Variants in FAM184A observed in about 807,000 individuals in gnomAD.
FAM184A encodes family with sequence similarity 184 member A, also known as protein FAM184A.
Under a neutral mutation model 143.8 loss-of-function variants are expected in FAM184A, and 99 were observed. That is an observed-to-expected ratio of 0.69 (90% CI 0.58 to 0.81). The LOEUF is 0.81. FAM184A is among the 40% of genes least tolerant of loss of function. The pLI is 0.00. For missense variants in FAM184A, 1,217 were observed against 1,310.5 expected, an observed-to-expected ratio of 0.93 and a Z score of 1.10; for synonymous variants, 427 against 446.4, an observed-to-expected ratio of 0.96 and a Z score of 0.55.
In FAM184A at chr6:119,011,446, T is replaced by C; in HGVS notation, c.1531-15A>G. On this transcript the variant is annotated splice_polypyrimidine_tract_variant and intron_variant, in intron 5 of 17. Transcript: ENST00000338891. ...TCTTCCAAATCCTTAGAAAAAGAAA[T>C]TTTTTAAAAATTAACAAAATTGCAA... 6.9e-7 allele frequency: 1 copy of C among 1,452,480 alleles called. No homozygotes were observed. The highest frequency in any genetic ancestry group is 9.4e-7 in the Non-Finnish European group (1 of 1,066,678). The allele number at this position is 1,452,480 out of a possible 1,614,324, so 90.0% of individuals were successfully genotyped here.
chr6:118,963,785 T>C (rs1424426733), intron 16 of FAM184A: 7 of 151,924 alleles, frequency 4.6e-5, no homozygotes, highest in African/African-American at 1.7e-4. Context: ...TGTATATATA[T>C]AATCATTTAT....
intron 1 of FAM184A, among the ~76,000 whole-genome samples, chr6:119,113,294 A>G (rs1277857109): frequency 6.6e-6 from 1 of 152,120 alleles, no homozygotes; most frequent in African/African-American, 2.4e-5. Flanking sequence ...ATTTCCCCAG[A>G]TCTCCCTGGC....
intron 7 of FAM184A, 112 bp downstream of exon 7, chr6:119,006,335 G>C (rs1259374322): frequency 2.9e-6 from 3 of 1,027,216 alleles, no homozygotes; most frequent in Admixed American, 2.1e-5. Flanking sequence ...GTAGTTCTAA[G>C]AACTAATATA....
chr6:119,013,866 G>A lies in FAM184A; in HGVS notation c.1531-2435C>T, dbSNP rs543881542. 2.0e-4 allele frequency among the ~76,000 whole-genome samples: 31 copies of A among 152,234 alleles called. No individual in the cohort carries two copies. In the South Asian group the frequency reaches 3.3e-3, roughly 16 times the overall value. On this transcript the variant is annotated intron_variant, in intron 5 of 17. Coordinates refer to ENST00000338891, the MANE Select transcript of FAM184A (RefSeq NM_024581.6). Reference sequence around the variant, plus strand: ...GCGCTGTGGCTCTCACGAAATCATCGAGGTTTATTAAACCTATTTTACCAT... The same window carrying A: ...GCGCTGTGGCTCTCACGAAATCATCAAGGTTTATTAAACCTATTTTACCAT...
chr6:118,987,152 G>A (rs1238794370), intron 9 of FAM184A, among the ~76,000 whole-genome samples: 1 of 152,144 alleles, frequency 6.6e-6, no homozygotes, highest in Non-Finnish European at 1.5e-5. Flanking sequence ...TCTAGGGCTG[G>A]CATTAGTAAA....
At chr6:119,114,015 C>T (rs1206423464) in intron 1 of FAM184A, among the ~76,000 whole-genome samples, 1 of 152,054 alleles carries the variant, frequency 6.6e-6, no homozygotes, top group Non-Finnish European at 1.5e-5. Context: ...TATTGTTGTT[C>T]ATCTCTTACG....
chr6:118,998,614 G>A lies in FAM184A; in HGVS notation c.2088+4285C>T, dbSNP rs1784645824. On this transcript the variant is annotated intron_variant, in intron 9 of 17. Coordinates refer to ENST00000338891, the MANE Select transcript of FAM184A (RefSeq NM_024581.6). The stretch of plus-strand genomic sequence containing the variant: ...CTCTTTTTGTGGAGTTAAGATTTGA[G>A]TAGATAACTGATTAAGTGAAGGGAA... Among the ~76,000 whole-genome samples, 6 of 152,226 alleles carry A rather than the reference G, an allele frequency of 3.9e-5. No individual in the cohort carries two copies. The South Asian group carries it at 1.2e-3, about 32-fold the overall frequency.
At chr6:119,086,995 AT>A (rs1003173287) in intron 1 of FAM184A, among the ~76,000 whole-genome samples, 6 of 152,082 alleles carry the variant, frequency 3.9e-5, no homozygotes, top group African/African-American at 1.4e-4. Flanking sequence ...AGTTTGCCTG[AT>A]TTTTTCCAAG....
At chr6:118,965,205 GT>G (rs5879475) in intron 15 of FAM184A, among the ~76,000 whole-genome samples, 6 of 131,002 alleles carry the variant, frequency 4.6e-5, no homozygotes, top group Non-Finnish European at 4.8e-5. Context: ...TTTTTTGTTT[GT>G]TTTTTTTTTT....
chr6:119,023,985 G>A lies in FAM184A; in HGVS notation c.988C>T (p.Leu330Phe), dbSNP rs1250701881. The A allele has an allele frequency of 5.6e-6, 9 of 1,601,808 alleles. No homozygotes were observed. Among genetic ancestry groups the A allele is most frequent in the African/African-American group, 1.4e-5 (1 of 73,812 alleles). Residue 330 changes from leucine (L) to phenylalanine (F), a missense_variant, in exon 2 of 18, where the codon CTT (leucine) becomes TTT (phenylalanine). By Grantham distance (22) the Leu-to-Phe change is conservative. Transcript: ENST00000338891. The stretch of plus-strand genomic sequence containing the variant: ...TGAACATTGTTCTCTGCTATGGCAA[G>A]TGCCGTCTGAAGCTTTTGGCATTTG... ...LDKCQKLQTA[L>F]AIAENNVQVL...
intron 1 of FAM184A, among the ~76,000 whole-genome samples, chr6:119,045,096 A>AGGATTGCTGATATTCTTAC (rs1786477180): frequency 6.6e-6 from 1 of 152,186 alleles, no homozygotes; most frequent in Non-Finnish European, 1.5e-5. Context: ...CATCCATTCA[A>AGGATTGCTGATATTCTTAC]GGATTGCTGA....
At chr6:119,025,313 T>A in intron 1 of FAM184A, 1 of 382,306 alleles carries the variant, frequency 2.6e-6, no homozygotes, top group South Asian at 2.1e-5. Flanking sequence ...TGTAATGGCC[T>A]GTTTAAATAT....
At chr6:119,037,413 G>A (rs1786154683) in intron 1 of FAM184A, among the ~76,000 whole-genome samples, 2 of 152,116 alleles carry the variant, frequency 1.3e-5, no homozygotes, top group Admixed American at 6.5e-5. Flanking sequence ...GTGATCTATT[G>A]CCACAGCCTC....
chr6:119,127,283 G>A (rs1789395907), intron 1 of FAM184A, among the ~76,000 whole-genome samples: 1 of 152,124 alleles, frequency 6.6e-6, no homozygotes, highest in African/African-American at 2.4e-5. Flanking sequence ...CTTCACAGTA[G>A]CACCTAGGTT....
intron 1 of FAM184A, among the ~76,000 whole-genome samples, chr6:119,118,096 C>T (rs947649983): frequency 1.3e-5 from 2 of 152,210 alleles, no homozygotes; most frequent in African/African-American, 4.8e-5. Flanking sequence ...GAAGCTCTGA[C>T]CTGCAGTTAT....
At chr6:118,994,035 C>T (rs1010657163) in intron 9 of FAM184A, among the ~76,000 whole-genome samples, 3 of 152,198 alleles carry the variant, frequency 2.0e-5, no homozygotes, top group African/African-American at 7.2e-5. Context: ...GCTGTGCACA[C>T]ACTGCCCGCT....
intron 1 of FAM184A, among the ~76,000 whole-genome samples, chr6:119,062,923 C>A (rs1320194801): frequency 6.6e-6 from 1 of 152,178 alleles, no homozygotes; most frequent in South Asian, 2.1e-4. Context: ...AAACAACATT[C>A]TATACCTCAG....
Position 119,006,571 on chromosome 6 carries a change from T to C in FAM184A, c.1691A>G (p.Gln564Arg). 3.1e-6 allele frequency: 5 copies of C among 1,613,606 alleles called. No homozygotes were observed. The highest frequency in any genetic ancestry group is 4.2e-6 in the Non-Finnish European group (5 of 1,179,784). Residue 564 changes from glutamine to arginine, a missense_variant, in exon 7 of 18, where the codon CAA becomes CGA. Gln to Arg is a conservative substitution (Grantham distance 43). Transcript: ENST00000338891. ...HLQDMVRKSE[Q>R]GLGSAEGLIA... ...AAGTCCTTCTGCAGAGCCAAGACCTTGTTCACTTTTCCTTACCATATCTTG... is the reference window on the plus strand; with the variant it reads ...AAGTCCTTCTGCAGAGCCAAGACCTCGTTCACTTTTCCTTACCATATCTTG...
At chr6:118,982,127 A>G (rs181012492) in intron 9 of FAM184A, among the ~76,000 whole-genome samples, 26 of 152,356 alleles carry the variant, frequency 1.7e-4, no homozygotes, top group African/African-American at 6.3e-4. Flanking sequence ...AAATTATACC[A>G]CATGACTTCT....
Sources: allele counts gnomAD v4.1 joint callset (sites outside exome capture counted in the v4.1 genomes callset), GRCh38; gene constraint gnomAD v4.1.1; transcripts MANE v1.5; gene names NCBI Gene and HGNC (gene_info 2026-07-23, HGNC 2026-07-21).